The following BICD2 variants were observed in gnomAD, a reference collection of about 807,000 sequenced individuals.
BICD2 encodes the protein BICD cargo adaptor 2.
In BICD2, 25 loss-of-function variants were observed where a neutral mutation model predicts 72.9. The observed-to-expected ratio is 0.34, with a 90% CI of 0.25 to 0.48. BICD2 has a LOEUF of 0.48. Among genes scored for constraint, BICD2 ranks in the 20% least tolerant of loss-of-function variants. BICD2 has a pLI of 0.99. For synonymous variants in BICD2, 501 were observed against 516.1 expected (o/e 0.97, Z 0.40); for missense variants, 894 against 1,175.2 (o/e 0.76, Z 3.50).
intron 1 of BICD2, among the ~76,000 whole-genome samples, chr9:92,760,105 G>A (rs1175850813): frequency 6.6e-6 from 1 of 152,180 alleles, no homozygotes; most frequent in African/African-American, 2.4e-5. Context: ...GCTCCTGGGA[G>A]ACCAGGCAGG....
chr9:92,759,538 C>T (rs1418998345), intron 1 of BICD2, among the ~76,000 whole-genome samples: 1 of 152,206 alleles, frequency 6.6e-6, no homozygotes, highest in East Asian at 1.9e-4. Flanking sequence ...CATCCACCTC[C>T]CACAGCAGAG....
intron 2 of BICD2, among the ~76,000 whole-genome samples, chr9:92,724,014 T>C (rs1853516357): frequency 6.6e-6 from 1 of 152,200 alleles, no homozygotes; most frequent in Non-Finnish European, 1.5e-5. Context: ...ACGTTGCCAA[T>C]GTCCCCCAGG....
chr9:92,760,672 G>T (rs1401307315), intron 1 of BICD2, among the ~76,000 whole-genome samples: 2 of 152,148 alleles, frequency 1.3e-5, no homozygotes, highest in Non-Finnish European at 2.9e-5. Flanking sequence ...GCCTATAGCT[G>T]CCTCTCCCCA....
At chr9:92,728,794 G>A (rs1196670928) in intron 2 of BICD2, among the ~76,000 whole-genome samples, 17 of 152,270 alleles carry the variant, frequency 1.1e-4, no homozygotes, top group Non-Finnish European at 2.1e-4. Flanking sequence ...GAGTGAGACA[G>A]AAGCAAGCCA....
rs970183493 is a variant in BICD2, at chr9:92,720,052, A to G, written c.1062+248T>C. On this transcript the variant is annotated intron_variant, in intron 4 of 6. Transcript: ENST00000356884. This position sits in a 1 kb window ranked among gnomAD's most constrained non-coding sequence, Gnocchi z 5.4. ...GGGATCACATGTGGGCCAGTGTCTC[A>G]TCACTTCACCCTGACACCACGTAGT... 6.6e-6 allele frequency among the ~76,000 whole-genome samples: 1 copy of G among 152,226 alleles called. No individual in the cohort carries two copies. The highest frequency in any genetic ancestry group is 2.4e-5 in the African/African-American group (1 of 41,464).
intron 1 of BICD2, among the ~76,000 whole-genome samples, chr9:92,751,535 G>A (rs1854149831): frequency 6.6e-6 from 1 of 152,122 alleles, no homozygotes; most frequent in South Asian, 2.1e-4. Flanking sequence ...TGATAAAATT[G>A]TTTCCCATGG....
intron 1 of BICD2, among the ~76,000 whole-genome samples, chr9:92,730,915 G>A (rs999550761): frequency 2.0e-5 from 3 of 152,210 alleles, no homozygotes; most frequent in African/African-American, 7.2e-5. Context: ...CAAGGCAATC[G>A]GGTCAGCTCT....
At chr9:92,759,849 TG>T (rs1397839195) in intron 1 of BICD2, among the ~76,000 whole-genome samples, 1 of 152,236 alleles carries the variant, frequency 6.6e-6, no homozygotes, top group African/African-American at 2.4e-5. Flanking sequence ...TCTGACTGAC[TG>T]GGGGATGCCC....
intron 1 of BICD2, among the ~76,000 whole-genome samples, chr9:92,736,095 A>C (rs1853782447): frequency 6.6e-6 from 1 of 152,238 alleles, no homozygotes; most frequent in Non-Finnish European, 1.5e-5. Flanking sequence ...TTCCAGGAAG[A>C]CAGGCATTCT....
chr9:92,720,719 G>T lies in BICD2; in HGVS notation c.643C>A (p.Leu215Met). 1 of 1,614,144 alleles carries T rather than the reference G, an allele frequency of 6.2e-7. No homozygotes were observed. The highest frequency in any genetic ancestry group is 8.5e-7 in the Non-Finnish European group (1 of 1,180,040). ...TTGAGGTACTCGGTCTCCTCCTCCA[G>T]ACGCTTGATCTCATGCTTGAGGCCC... ...FEGLKHEIKR[L>M]EEETEYLNSQ... Residue 215 changes from leucine (L) to methionine (M), a missense_variant, in exon 4 of 7, where the codon CTG becomes ATG. Coordinates refer to ENST00000356884, the MANE Select transcript of BICD2 (RefSeq NM_001003800.2). This position sits in a 1 kb window ranked among gnomAD's most constrained non-coding sequence, Gnocchi z 5.4.
rs986033143 is a variant in BICD2 at position 92,760,132 on chromosome 9, T to G, written c.240+4373A>C. On this transcript the variant is annotated intron_variant, in intron 1 of 6. Transcript: ENST00000356884. ...CCAGGCAGGGCCCAGACTCCCCCTG[T>G]GGAGTCAGTATGGAGTTCACAGGGA... Among the ~76,000 whole-genome samples the G allele has an allele frequency of 1.8e-4, 27 of 152,126 alleles. No homozygotes were observed. The South Asian group carries it at 1.9e-3, about 11-fold the overall frequency.
chr9:92,753,986 T>C (rs1854203868), intron 1 of BICD2, among the ~76,000 whole-genome samples: 1 of 150,414 alleles, frequency 6.6e-6, no homozygotes, highest in Admixed American at 6.6e-5. Flanking sequence ...CTACTAAAAA[T>C]ACAAAAAAAT....
chr9:92,748,347 A>C (rs972640613), intron 1 of BICD2, among the ~76,000 whole-genome samples: 1 of 152,144 alleles, frequency 6.6e-6, no homozygotes. Context: ...TGTAAACTGC[A>C]ATGACAGGAT....
chr9:92,746,772 C>G (rs1308420770), intron 1 of BICD2, among the ~76,000 whole-genome samples: 2 of 152,160 alleles, frequency 1.3e-5, no homozygotes, highest in African/African-American at 4.8e-5. Flanking sequence ...AACCTAATCA[C>G]TGTAGAAGGC....
chr9:92,716,340 T>A (rs1853312840), intron 6 of BICD2, among the ~76,000 whole-genome samples: 2 of 152,146 alleles, frequency 1.3e-5, no homozygotes, highest in African/African-American at 4.8e-5. Context: ...AAACAAATTT[T>A]AAAAGGTAGG....
At chr9:92,721,725 G>T (rs1853468351) in intron 3 of BICD2, among the ~76,000 whole-genome samples, 1 of 152,168 alleles carries the variant, frequency 6.6e-6, no homozygotes, top group African/African-American at 2.4e-5. Flanking sequence ...TCCACTAAGC[G>T]CCAACCTGAG....
chr9:92,711,489 T>C lies in BICD2; in HGVS notation c.*3665A>G, dbSNP rs939614696. 5 of 152,650 alleles carry C rather than the reference T, an allele frequency of 3.3e-5. No homozygotes were observed. Among genetic ancestry groups the C allele is most frequent in the African/African-American group, 1.2e-4 (5 of 41,450 alleles). 9.5% of individuals were successfully genotyped at this position (152,650 alleles called of 1,614,324 possible). ...TATGTCTGTGTCCTGAAAATCTCAA[T>C]TAATTTCTCCTTCCTATTCCTTTTC... On this transcript the variant is annotated 3_prime_UTR_variant, in exon 7 of 7. Transcript: ENST00000356884.
rs772569212 is a variant in BICD2, at chr9:92,718,606, T to C, written c.2039A>G (p.Lys680Arg). ...EALMEEILKL[K>R]SLLSTKREQI... ...CTCCCGCTTGGTGCTGAGCAGCGAC[T>C]TCAGCTTGAGGATCTCCTCCATAAG... The change falls in exon 5 of 7, where the codon AAG becomes AGG. Residue 680 changes from lysine to arginine, a missense_variant. Around this residue, in one of 5 missense-constraint regions of BICD2, gnomAD observed 321 missense variants for 443.9 expected, o/e 0.72. Coordinates refer to ENST00000356884, the MANE Select transcript of BICD2 (RefSeq NM_001003800.2). The C allele has an allele frequency of 1.9e-6, 3 of 1,613,778 alleles. No individual in the cohort carries two copies. Among genetic ancestry groups the C allele is most frequent in the South Asian group, 1.1e-5 (1 of 91,076 alleles).
intron 1 of BICD2, among the ~76,000 whole-genome samples, chr9:92,740,710 A>AT (rs1406415223): frequency 6.6e-6 from 1 of 152,152 alleles, no homozygotes; most frequent in Non-Finnish European, 1.5e-5. Context: ...ATGTTTGTGT[A>AT]TTTTTTTAAC....
Sources: allele counts gnomAD v4.1 joint callset (sites outside exome capture counted in the v4.1 genomes callset), GRCh38; gene constraint gnomAD v4.1.1; regional missense constraint gnomAD v4.1.1; non-coding constraint Gnocchi (gnomAD v3.1); transcripts MANE v1.5; gene names NCBI Gene and HGNC (gene_info 2026-07-23, HGNC 2026-07-21).